DNM2: variants seen among roughly 807,000 people sequenced by gnomAD.
The protein encoded by DNM2 is dynamin-2.
Under a neutral mutation model 99.0 loss-of-function variants are expected in DNM2, and 15 were observed. The observed-to-expected ratio is 0.15, with a 90% CI of 0.10 to 0.23. The LOEUF is 0.23. Among genes scored for constraint, DNM2 ranks in the 10% least tolerant of loss-of-function variants. The pLI, the probability that DNM2 is intolerant of heterozygous loss-of-function variation, is 1.00. For missense variants in DNM2, 742 were observed against 1,189.4 expected (o/e 0.62, Z 5.53); for synonymous variants, 525 against 481.2 (o/e 1.09, Z -1.19).
intron 1 of DNM2, among the ~76,000 whole-genome samples, chr19:10,720,979 A>G (rs1024520009): frequency 6.6e-6 from 1 of 152,104 alleles, no homozygotes; most frequent in African/African-American, 2.4e-5. Context: ...TGGAGGCTGT[A>G]AAGTGAGGAG....
At chr19:10,759,631 G>A in intron 1 of DNM2, 107 bp from the exon 2 acceptor site, 1 of 1,403,622 alleles carries the variant, frequency 7.1e-7, no homozygotes. Context: ...TGCCTTTGCT[G>A]AGGTCGCCCA....
At chr19:10,750,912 AAGTT>A (rs1771191784) in intron 1 of DNM2, among the ~76,000 whole-genome samples, 1 of 151,926 alleles carries the variant, frequency 6.6e-6, no homozygotes, top group Non-Finnish European at 1.5e-5. Context: ...AAAAAAAAAA[AAGTT>A]AATAAACTAC....
At chr19:10,801,925 C>CA (rs141535708) in intron 11 of DNM2, among the ~76,000 whole-genome samples, 3 of 144,376 alleles carry the variant, frequency 2.1e-5, no homozygotes, top group African/African-American at 5.1e-5. Context: ...AAAAAAAAAA[C>CA]AAAAAAAACA....
At chr19:10,808,399 A>G (rs1253924636) in intron 13 of DNM2, 170 bp from the exon 14 acceptor site, 9 of 621,798 alleles carry the variant, frequency 1.4e-5, no homozygotes, top group Non-Finnish European at 2.5e-5. Context: ...CATGAATATG[A>G]TTAATAGCAT....
intron 1 of DNM2, among the ~76,000 whole-genome samples, chr19:10,754,142 G>A (rs919050572): frequency 1.3e-5 from 2 of 152,134 alleles, no homozygotes; most frequent in Non-Finnish European, 2.9e-5. Context: ...AATTCTGTGG[G>A]CAAATTTTAA....
intron 7 of DNM2, among the ~76,000 whole-genome samples, chr19:10,787,446 G>A (rs1459986868): frequency 6.6e-6 from 1 of 151,032 alleles, no homozygotes; most frequent in Admixed American, 6.6e-5. Flanking sequence ...ACTCCAGCCT[G>A]GGCATCAGAG....
At chr19:10,753,407 TCC>T (rs372769240) in intron 1 of DNM2, among the ~76,000 whole-genome samples, 3 of 74,558 alleles carry the variant, frequency 4.0e-5, no homozygotes, top group African/African-American at 1.6e-4. Flanking sequence ...CCCCTTCCCT[TCC>T]CCCCCCCACT....
chr19:10,805,993 G>A (rs747382035), intron 13 of DNM2, 26 bp downstream of exon 13: 12 of 1,614,058 alleles, frequency 7.4e-6, no homozygotes, highest in Admixed American at 1.7e-5. Flanking sequence ...GCAGTCTCCC[G>A]CTCTACCCTG....
chr19:10,720,792 A>G (rs1053672154), intron 1 of DNM2, among the ~76,000 whole-genome samples: 2 of 152,192 alleles, frequency 1.3e-5, no homozygotes, highest in East Asian at 1.9e-4. Context: ...GTAGGTCTAC[A>G]TGGATGGGGC....
chr19:10,761,557 C>G (rs1039241063), intron 2 of DNM2, among the ~76,000 whole-genome samples: 5 of 152,108 alleles, frequency 3.3e-5, no homozygotes, highest in Admixed American at 1.3e-4. Context: ...CAGCTCTGGG[C>G]GTTCAACACT....
intron 1 of DNM2, among the ~76,000 whole-genome samples, chr19:10,743,149 G>A (rs115513440): frequency 0.041 from 6,281 of 151,602 alleles, 422 homozygotes; most frequent in East Asian, 0.32. Flanking sequence ...CAGGTGTTCC[G>A]CCTGCCATGG....
At chr19:10,786,092 G>A (rs1310783724) in intron 6 of DNM2, among the ~76,000 whole-genome samples, 1 of 152,198 alleles carries the variant, frequency 6.6e-6, no homozygotes, top group African/African-American at 2.4e-5. Context: ...GTACCACCAT[G>A]CCTGGCCCAC....
intron 6 of DNM2, among the ~76,000 whole-genome samples, chr19:10,783,827 AG>A (rs2071464610): frequency 6.6e-6 from 1 of 151,566 alleles, no homozygotes; most frequent in Non-Finnish European, 1.5e-5. Flanking sequence ...CAGCTTCCTG[AG>A]TAGCTGGGAT....
chr19:10,831,071 G>T lies in DNM2; in HGVS notation c.*24G>T. 1 of 1,584,188 alleles carries T rather than the reference G, an allele frequency of 6.3e-7. No homozygotes were observed. Among genetic ancestry groups the T allele is most frequent in the South Asian group, 1.1e-5 (1 of 87,428 alleles). On this transcript the variant is annotated 3_prime_UTR_variant, in exon 21 of 21. Coordinates refer to ENST00000389253, the MANE Select transcript of DNM2 (RefSeq NM_001005361.3). This position sits in a 1 kb window ranked among gnomAD's most constrained non-coding sequence, Gnocchi z 4.3. ...AGGCCTCGAGGGGGGCGTGCTCTCGGGGGGGCCTCACGCACCCGCGGCGCA... is the reference window on the plus strand; with the variant it reads ...AGGCCTCGAGGGGGGCGTGCTCTCGTGGGGGCCTCACGCACCCGCGGCGCA...
At position 10,743,986 on chromosome 19, in the gene DNM2, G is replaced by GA. The variant is rs746134991; in HGVS notation, c.162-15738dup. 7.5e-3 allele frequency among the ~76,000 whole-genome samples: 801 copies of GA among 106,398 alleles called. 6 individuals are homozygous for GA. The highest frequency in any genetic ancestry group is 0.025 in the Middle Eastern group (5 of 200). The allele number at this position is 106,398 out of a possible 152,430, so 69.8% of individuals were successfully genotyped here. ...GGGCAGCAGAGCGAGACTGTTTCCA[G>GA]AAAAAAAAAAAAAATACAAAAATTA... On this transcript the variant is annotated intron_variant, in intron 1 of 20. Transcript: ENST00000389253.
chr19:10,786,583 G>A lies in DNM2; in HGVS notation c.869G>A (p.Arg290Gln), dbSNP rs117398902. The change falls in exon 7 of 21, where the codon CGG becomes CAG. Residue 290 changes from arginine (R) to glutamine (Q), a missense_variant. Physicochemically the swap from Arg to Gln is conservative, Grantham distance 43. Transcript: ENST00000389253. ...TLNQQLTNHI[R>Q]ESLPALRSKL... The stretch of plus-strand genomic sequence containing the variant: ...CTGCAGCAACTGACCAACCACATCC[G>A]GGAGTCGCTGCCGGCCCTACGTAGC... 6.8e-5 allele frequency: 109 copies of A among 1,614,144 alleles called. No individual in the cohort carries two copies. The highest frequency in any genetic ancestry group is 8.6e-5 in the Non-Finnish European group (102 of 1,180,030).
rs371753223 is a variant in DNM2 at position 10,817,610 on chromosome 19, TC to T, written c.1672-2368del. 3.3e-3 allele frequency: 949 copies of T among 291,816 alleles called. 11 individuals are homozygous for T. Among genetic ancestry groups the T allele is most frequent in the African/African-American group, 0.021 (898 of 42,656 alleles). The allele number at this position is 291,816 out of a possible 1,614,324, so 18.1% of individuals were successfully genotyped here. ...GAAACCACCACTCTTCCCGAGACGA[TC>T]CGCTCTGTCCCTTCTGACGTGGCAA... On this transcript the variant is annotated intron_variant, in intron 15 of 20. Transcript: ENST00000389253. The surrounding 1 kb of genome is among the most constrained non-coding windows in gnomAD (Gnocchi z 4.6).
chr19:10,753,071 C>CTGTG (rs1232847777), intron 1 of DNM2, among the ~76,000 whole-genome samples: 2 of 152,154 alleles, frequency 1.3e-5, no homozygotes, highest in Admixed American at 1.3e-4. Flanking sequence ...TTGTAGTGAG[C>CTGTG]TGTGACCTTA....
intron 11 of DNM2, among the ~76,000 whole-genome samples, chr19:10,799,360 C>T (rs2072050815): frequency 6.8e-6 from 1 of 147,362 alleles, no homozygotes. Context: ...CACCCTTCTT[C>T]CCTCCCTCCC....
Sources: gnomAD v4.1 joint callset for allele counts (sites outside exome capture counted in the v4.1 genomes callset) on GRCh38, gnomAD v4.1.1 for gene constraint, Gnocchi (gnomAD v3.1) non-coding constraint, MANE v1.5 for transcripts, NCBI Gene and HGNC (gene_info 2026-07-23, HGNC 2026-07-21) for gene names.